Variants in MKKS observed in about 807,000 individuals in gnomAD.
The protein encoded by MKKS is MKKS centrosomal shuttling protein, also known as molecular chaperone MKKS.
A neutral mutation model predicts 33.2 loss-of-function variants in MKKS; 29 were observed. The ratio of observed to expected loss-of-function variants is 0.87; its 90% CI spans 0.65 to 1.19. MKKS has a LOEUF of 1.19. Among genes scored for constraint, MKKS ranks in the 50% most tolerant of loss-of-function variants. MKKS has a pLI of 0.00. For missense variants in MKKS, 661 were observed against 662.3 expected, an observed-to-expected ratio of 1.00 and a Z score of 0.02; for synonymous variants, 260 against 244.0, an observed-to-expected ratio of 1.07 and a Z score of -0.61.
intron 5 of MKKS, 127 bp from the exon 6 acceptor site, chr20:10,405,814 C>T: frequency 2.0e-6 from 2 of 989,256 alleles, no homozygotes; most frequent in Non-Finnish European, 3.0e-6. Flanking sequence ...AATTTGGGGT[C>T]TGGCACAATG....
rs970572591 is a variant in MKKS at position 10,404,743 on chromosome 20, T to C, written c.*504A>G. On this transcript the variant is annotated 3_prime_UTR_variant, in exon 6 of 6. Coordinates refer to ENST00000347364, the MANE Select transcript of MKKS (RefSeq NM_170784.3). ...TACCTAACCACTGAAGAATATAGCT[T>C]GAGATAAAGGGCATGGAGAAAAGTG... 13 of 152,388 alleles carry C rather than the reference T, an allele frequency of 8.5e-5. No individual in the cohort carries two copies. Among genetic ancestry groups the C allele is most frequent in the African/African-American group, 3.1e-4 (13 of 41,430 alleles). 9.4% of individuals were successfully genotyped at this position (152,388 alleles called of 1,614,324 possible).
Position 10,403,447 on chromosome 20 carries a change from C to T in MKKS, c.*1800G>A, listed in dbSNP as rs767686687. On this transcript the variant is annotated 3_prime_UTR_variant, in exon 6 of 6. Coordinates refer to ENST00000347364, the MANE Select transcript of MKKS (RefSeq NM_170784.3). ...TCACTTTTGCATTACAACATCAGCT[C>T]AAAGTTCAGAATCTCATAATTGGAA... 6 of 151,778 alleles carry T rather than the reference C, an allele frequency of 4.0e-5. No individual in the cohort carries two copies. The highest frequency in any genetic ancestry group is 7.4e-5 in the Non-Finnish European group (5 of 67,972). The allele number at this position is 151,778 out of a possible 1,614,324, so 9.4% of individuals were successfully genotyped here.
In MKKS at chr20:10,413,485, T is replaced by A. The variant is rs752207403; in HGVS notation, c.30A>T (p.Ser10=). 1.3e-5 allele frequency: 21 copies of A among 1,614,118 alleles called. No individual in the cohort carries two copies. The highest frequency in any genetic ancestry group is 1.8e-5 in the Non-Finnish European group (21 of 1,180,038). Residue 10 remains serine, a synonymous_variant, in exon 3 of 6, where the codon TCA becomes TCT. Transcript: ENST00000347364. MSRLEAKKP[S]LCKSEPLTTE... The stretch of plus-strand genomic sequence containing the variant: ...TTGTCAGTGGTTCACTCTTACACAA[T>A]GATGGCTTCTTAGCTTCCAAACGAG...
In MKKS at chr20:10,412,854, C is replaced by T; in HGVS notation, c.661G>A (p.Glu221Lys). 6.2e-7 allele frequency: 1 copy of T among 1,614,158 alleles called. No homozygotes were observed. The highest frequency in any genetic ancestry group is 8.5e-7 in the Non-Finnish European group (1 of 1,180,006). ...CTCATTAATTGAACTTCTGACATTT[C>T]AATGAGTATCCCAGGTAATACAGTG... Reference protein sequence around the residue: ...DSTVLPGILIEMSEVQLMRLL... With the variant: ...DSTVLPGILIKMSEVQLMRLL... Residue 221 changes from glutamate to lysine, a missense_variant, in exon 3 of 6, where the codon GAA becomes AAA. Physicochemically the swap from Glu to Lys is moderately conservative, Grantham distance 56. Transcript: ENST00000347364.
chr20:10,421,779 T>C, intron 1 of MKKS, among the ~76,000 whole-genome samples: 1 of 150,872 alleles, frequency 6.6e-6, no homozygotes, highest in Middle Eastern at 3.4e-3. Flanking sequence ...GCTTTTAAAA[T>C]ATATATATAT....
chr20:10,431,374 C>T (rs549694035), intron 1 of MKKS, among the ~76,000 whole-genome samples: 1 of 152,234 alleles, frequency 6.6e-6, no homozygotes, highest in African/African-American at 2.4e-5. Context: ...CAAATGCTCA[C>T]TTAGTGTCTA....
At chr20:10,419,633 T>C (rs757852774) in intron 2 of MKKS, among the ~76,000 whole-genome samples, 2 of 152,202 alleles carry the variant, frequency 1.3e-5, no homozygotes. Context: ...ACAATACTCC[T>C]GTGCTTTGGG....
chr20:10,408,358 C>T (rs1383561130), intron 4 of MKKS, among the ~76,000 whole-genome samples: 5 of 152,208 alleles, frequency 3.3e-5, no homozygotes, highest in African/African-American at 9.7e-5. Context: ...TCAAAGACTA[C>T]ACAATTCAAG....
chr20:10,421,534 G>A (rs1347940427), intron 1 of MKKS, among the ~76,000 whole-genome samples: 1 of 152,046 alleles, frequency 6.6e-6, no homozygotes, highest in East Asian at 1.9e-4. Flanking sequence ...TAGTGATAGT[G>A]TTTCAACTGC....
Position 10,413,649 on chromosome 20 carries a change from T to A in MKKS, c.-135A>T. On this transcript the variant is annotated 5_prime_UTR_variant, in exon 3 of 6. Coordinates refer to ENST00000347364, the MANE Select transcript of MKKS (RefSeq NM_170784.3). ...GTATGAATATGCAGCATTGTGGCTA[T>A]AAAATCAAAAAGTTCAATGTTTATG... 1.0e-6 allele frequency: 1 copy of A among 999,724 alleles called. No individual in the cohort carries two copies. The highest frequency in any genetic ancestry group is 2.2e-5 in the Admixed American group (1 of 45,308). 61.9% of individuals were successfully genotyped at this position (999,724 alleles called of 1,614,324 possible).
chr20:10,432,007 C>T (rs980521045), intron 1 of MKKS: 10 of 152,318 alleles, frequency 6.6e-5, no homozygotes, highest in Non-Finnish European at 1.3e-4. Flanking sequence ...CCCTGACCCC[C>T]CTAAGGAATG....
intron 3 of MKKS, among the ~76,000 whole-genome samples, chr20:10,410,412 C>T (rs1207949233): frequency 6.6e-6 from 1 of 151,986 alleles, no homozygotes; most frequent in African/African-American, 2.4e-5. Flanking sequence ...GGGTGGATCA[C>T]CTGAGCTCAG....
chr20:10,405,315 G>A lies in MKKS; in HGVS notation c.1645C>T (p.Leu549=), dbSNP rs1010755325. The A allele has an allele frequency of 2.7e-5, 43 of 1,613,776 alleles. No homozygotes were observed. The highest frequency in any genetic ancestry group is 3.6e-5 in the Non-Finnish European group (42 of 1,179,892). The part of the protein sequence containing the change: ...LDCLTAKLSG[L]QVAVETANLI... Reference sequence around the variant, plus strand: ...TTGGCTGTCTCTACAGCCACCTGTAGGCCACTAAGCTTTGCAGTCAAACAG... The same window carrying A: ...TTGGCTGTCTCTACAGCCACCTGTAAGCCACTAAGCTTTGCAGTCAAACAG... Residue 549 remains leucine, a synonymous_variant, in exon 6 of 6, where the codon CTA becomes TTA. Coordinates refer to ENST00000347364, the MANE Select transcript of MKKS (RefSeq NM_170784.3).
At chr20:10,427,000 T>A (rs963068896) in intron 1 of MKKS, among the ~76,000 whole-genome samples, 5 of 137,354 alleles carry the variant, frequency 3.6e-5, no homozygotes, top group Admixed American at 1.5e-4. Context: ...TCTTTTAGAG[T>A]AGCTTAAAGG....
intron 1 of MKKS, among the ~76,000 whole-genome samples, chr20:10,433,558 G>T (rs987296198): frequency 6.6e-6 from 1 of 152,202 alleles, no homozygotes; most frequent in African/African-American, 2.4e-5. Context: ...TTTGGGTATG[G>T]TCTTATCGGG....
Position 10,408,971 on chromosome 20 carries a change from T to A in MKKS, c.986-168A>T, listed in dbSNP as rs866829590. 9.2e-5 allele frequency among the ~76,000 whole-genome samples: 14 copies of A among 152,352 alleles called. No individual in the cohort carries two copies. In the South Asian group the frequency reaches 1.0e-3, roughly 11 times the overall value. ...ATATTCCTAAACTGCTAAGTTATAT[T>A]CTGCTATTAAAATGATATACAAATA... On this transcript the variant is annotated intron_variant, in intron 3 of 5. Transcript: ENST00000347364.
At chr20:10,423,858 C>T (rs775560468) in intron 1 of MKKS, among the ~76,000 whole-genome samples, 19 of 152,192 alleles carry the variant, frequency 1.2e-4, no homozygotes, top group Non-Finnish European at 2.4e-4. Context: ...ATCACTGAGA[C>T]TCAGTACAGT....
intron 1 of MKKS, among the ~76,000 whole-genome samples, chr20:10,424,610 T>C (rs774284202): frequency 7.2e-5 from 11 of 152,344 alleles, no homozygotes; most frequent in Non-Finnish European, 1.3e-4. Flanking sequence ...TCAAATTTTA[T>C]ATTTGATATG....
Position 10,413,036 on chromosome 20 carries a change from C to A in MKKS, c.479G>T (p.Ser160Ile), listed in dbSNP as rs2064905266. 6.2e-7 allele frequency: 1 copy of A among 1,613,928 alleles called. No individual in the cohort carries two copies. The highest frequency in any genetic ancestry group is 1.3e-5 in the African/African-American group (1 of 74,914). ...TCTGGTGAGCATACAGGCAGGTTTA[C>A]TTGTTAATATACTACGCACCAAACA... The part of the protein sequence containing the change: ...LLCLVRSILT[S>I]KPACMLTRKE... The change falls in exon 3 of 6, where the codon AGT (serine) becomes ATT (isoleucine). Residue 160 changes from serine to isoleucine, a missense_variant. Coordinates refer to ENST00000347364, the MANE Select transcript of MKKS (RefSeq NM_170784.3).
Sources: gnomAD v4.1 joint callset for allele counts (sites outside exome capture counted in the v4.1 genomes callset) on GRCh38, gnomAD v4.1.1 for gene constraint, MANE v1.5 for transcripts, NCBI Gene and HGNC (gene_info 2026-07-23, HGNC 2026-07-21) for gene names.